POC1B: variants seen among roughly 807,000 people sequenced by gnomAD.
POC1B encodes the protein POC1 centriolar protein homolog B.
In POC1B, 44 loss-of-function variants were observed where a neutral mutation model predicts 60.6. The ratio of observed to expected loss-of-function variants is 0.73; its 90% CI spans 0.57 to 0.93. The LOEUF is 0.93. Ranked by LOEUF, POC1B falls within the 40% of genes least tolerant of loss-of-function variation. POC1B has a pLI of 0.00. For missense variants in POC1B, 555 were observed against 572.3 expected, an observed-to-expected ratio of 0.97 and a Z score of 0.31; for synonymous variants, 180 against 198.9, an observed-to-expected ratio of 0.90 and a Z score of 0.80.
intron 4 of POC1B, among the ~76,000 whole-genome samples, chr12:89,478,354 A>G (rs905742001): frequency 4.6e-5 from 7 of 152,096 alleles, no homozygotes; most frequent in Non-Finnish European, 8.8e-5. Context: ...CCTGGCCTCA[A>G]GTGATCCACC....
intron 4 of POC1B, among the ~76,000 whole-genome samples, chr12:89,475,910 C>CT (rs972058107): frequency 0.39 from 33,774 of 86,170 alleles, 7,544 homozygotes; most frequent in Non-Finnish European, 0.45. Context: ...TGAGGGAATT[C>CT]TTTTTTTTTT....
chr12:89,417,942 T>C (rs979571371), downstream of POC1B, among the ~76,000 whole-genome samples: 1 of 152,214 alleles, frequency 6.6e-6, no homozygotes, highest in Non-Finnish European at 1.5e-5. Context: ...CAACTTATTG[T>C]TATCCTATAT....
intron 10 of POC1B, among the ~76,000 whole-genome samples, chr12:89,451,687 G>A (rs543572590): frequency 6.6e-6 from 1 of 152,292 alleles, no homozygotes; most frequent in South Asian, 2.1e-4. Context: ...GTTTTACATA[G>A]TGTGACAGCA....
intron 10 of POC1B, among the ~76,000 whole-genome samples, chr12:89,439,794 T>C (rs1210178823): frequency 6.6e-6 from 1 of 151,984 alleles, no homozygotes; most frequent in Non-Finnish European, 1.5e-5. Context: ...TTAGTAGAGA[T>C]GGGGTTTTGC....
the POC1B span, among the ~76,000 whole-genome samples, chr12:89,412,655 C>T: frequency 6.8e-6 from 1 of 147,734 alleles, no homozygotes; most frequent in Admixed American, 6.8e-5. Flanking sequence ...CCAGCCTGGG[C>T]GACAGAGTAA....
At chr12:89,403,952 G>C in the POC1B span, among the ~76,000 whole-genome samples, 1 of 152,078 alleles carries the variant, frequency 6.6e-6, no homozygotes, top group African/African-American at 2.4e-5. Flanking sequence ...GACCAACATG[G>C]GGAAACCCTG....
At chr12:89,455,892 GACAA>G (rs1451727368) in intron 10 of POC1B, among the ~76,000 whole-genome samples, 1 of 152,042 alleles carries the variant, frequency 6.6e-6, no homozygotes. Flanking sequence ...TCATTTATAA[GACAA>G]ACAATAAAAC....
At chr12:89,462,014 A>C (rs1882503009) in intron 9 of POC1B, among the ~76,000 whole-genome samples, 1 of 152,154 alleles carries the variant, frequency 6.6e-6, no homozygotes, top group Non-Finnish European at 1.5e-5. Flanking sequence ...TAGTTGCACC[A>C]TCTGAAATTG....
chr12:89,446,273 T>C (rs1592592461), intron 10 of POC1B, among the ~76,000 whole-genome samples: 1 of 152,244 alleles, frequency 6.6e-6, no homozygotes, highest in Non-Finnish European at 1.5e-5. Context: ...CAAAGGACTA[T>C]AAATTGTGCT....
intron 10 of POC1B, among the ~76,000 whole-genome samples, chr12:89,440,082 C>T (rs571220654): frequency 2.6e-5 from 4 of 152,232 alleles, no homozygotes; most frequent in Admixed American, 1.3e-4. Context: ...ACCTAGTGTC[C>T]GACACGTTCA....
chr12:89,431,530 T>C (rs1048814778), intron 10 of POC1B, among the ~76,000 whole-genome samples: 1 of 152,196 alleles, frequency 6.6e-6, no homozygotes, highest in Non-Finnish European at 1.5e-5. Context: ...AAAAGCCTTT[T>C]GCCTTGGACA....
chr12:89,521,966 A>C (rs767377324), intron 2 of POC1B: 16 of 398,868 alleles, frequency 4.0e-5, no homozygotes, highest in Non-Finnish European at 7.1e-5. Context: ...TTAAATGATT[A>C]AGCATTAACA....
chr12:89,459,186 A>G (rs1436975573), intron 10 of POC1B, among the ~76,000 whole-genome samples: 5 of 151,898 alleles, frequency 3.3e-5, no homozygotes, highest in Non-Finnish European at 5.9e-5. Flanking sequence ...GTGGGTATGG[A>G]TTAGACTGAG....
intron 1 of POC1B, chr12:89,525,614 G>C: frequency 7.8e-7 from 1 of 1,285,292 alleles, no homozygotes; most frequent in South Asian, 2.8e-5. Flanking sequence ...AACCCTCCGA[G>C]AATTCTGGGG....
intron 2 of POC1B, chr12:89,501,310 T>A: frequency 1.0e-6 from 1 of 1,003,358 alleles, no homozygotes; most frequent in Non-Finnish European, 1.6e-6. Flanking sequence ...ATATGAAATG[T>A]ATTCCAAGAA....
chr12:89,505,551 T>TGTGGATGGCAGGGAGGGAGTATA (rs1272562655), intron 2 of POC1B, among the ~76,000 whole-genome samples: 2 of 152,190 alleles, frequency 1.3e-5, no homozygotes, highest in African/African-American at 4.8e-5. Context: ...ATAGTGATTA[T>TGTGGATGGCAGGGAGGGAGTATA]GTGGATGGCA....
At chr12:89,450,945 C>A (rs1195320852) in intron 10 of POC1B, among the ~76,000 whole-genome samples, 1 of 152,074 alleles carries the variant, frequency 6.6e-6, no homozygotes, top group Non-Finnish European at 1.5e-5. Context: ...ATTTCTAAGT[C>A]TGTAAATGCT....
intron 9 of POC1B, among the ~76,000 whole-genome samples, chr12:89,465,050 C>T (rs1161159969): frequency 1.3e-5 from 2 of 152,072 alleles, no homozygotes; most frequent in Non-Finnish European, 2.9e-5. Flanking sequence ...TGCAATTGAA[C>T]TCTAATTCCA....
chr12:89,487,425 C>G (rs1257179316), intron 4 of POC1B, among the ~76,000 whole-genome samples: 1 of 152,186 alleles, frequency 6.6e-6, no homozygotes, highest in African/African-American at 2.4e-5. Flanking sequence ...TCCCCGGTTC[C>G]AGAGTTTCTC....
Sources: gnomAD v4.1 joint callset for allele counts (sites outside exome capture counted in the v4.1 genomes callset) on GRCh38, gnomAD v4.1.1 for gene constraint, MANE v1.5 for transcripts, NCBI Gene and HGNC (gene_info 2026-07-23, HGNC 2026-07-21) for gene names.